The following GNA14 variants were observed in gnomAD, a reference collection of about 807,000 sequenced individuals.
GNA14 encodes G protein subunit alpha 14, also known as guanine nucleotide-binding protein subunit alpha-14.
In GNA14, 50 loss-of-function variants were observed where a neutral mutation model predicts 42.0. That is an observed-to-expected ratio of 1.19 (90% CI 0.95 to 1.51). The LOEUF is 1.51. GNA14 is among the 40% of genes most tolerant of loss of function. The pLI is 0.00. For missense variants in GNA14, 473 were observed against 446.2 expected, an observed-to-expected ratio of 1.06 and a Z score of -0.54; for synonymous variants, 173 against 163.1, an observed-to-expected ratio of 1.06 and a Z score of -0.46.
intron 2 of GNA14, among the ~76,000 whole-genome samples, chr9:77,485,098 C>T (rs902300578): frequency 6.6e-6 from 1 of 152,234 alleles, no homozygotes; most frequent in East Asian, 1.9e-4. Context: ...TAAAAGACTT[C>T]GTGTCATGTG....
intron 2 of GNA14, among the ~76,000 whole-genome samples, chr9:77,439,643 AAT>A (rs1835697632): frequency 1.3e-5 from 2 of 152,096 alleles, no homozygotes; most frequent in South Asian, 4.1e-4. Context: ...TTTCAAAAAT[AAT>A]AATAATGATG....
chr9:77,636,636 TG>T (rs1824188166), intron 1 of GNA14, among the ~76,000 whole-genome samples: 1 of 145,978 alleles, frequency 6.9e-6, no homozygotes, highest in Non-Finnish European at 1.5e-5. Flanking sequence ...AGAGATAATG[TG>T]GTAAGAGAGG....
At chr9:77,569,465 T>C (rs551983399) in intron 1 of GNA14, among the ~76,000 whole-genome samples, 2 of 152,292 alleles carry the variant, frequency 1.3e-5, no homozygotes, top group South Asian at 2.1e-4. Context: ...GGACCTACTA[T>C]GTGTTGGGAA....
chr9:77,481,007 A>T (rs1836543580), intron 2 of GNA14, among the ~76,000 whole-genome samples: 2 of 151,798 alleles, frequency 1.3e-5, no homozygotes, highest in Non-Finnish European at 2.9e-5. Context: ...CAGCTCCTGG[A>T]TTCATTAATT....
chr9:77,456,338 G>T (rs1427418857), intron 2 of GNA14: 1 of 152,182 alleles, frequency 6.6e-6, no homozygotes, highest in Non-Finnish European at 1.5e-5. Context: ...CAACTCTCCA[G>T]ACTAGAAAGA....
chr9:77,499,642 G>A (rs1054520461), intron 2 of GNA14, among the ~76,000 whole-genome samples: 8 of 152,088 alleles, frequency 5.3e-5, no homozygotes, highest in African/African-American at 1.9e-4. Flanking sequence ...GCTGAGGCCA[G>A]GAGTTCAAGA....
chr9:77,517,213 T>C (rs1044806735), intron 2 of GNA14, among the ~76,000 whole-genome samples: 4 of 152,202 alleles, frequency 2.6e-5, no homozygotes, highest in Non-Finnish European at 5.9e-5. Context: ...TTCCTGCCCA[T>C]AGATGCTTGT....
intron 1 of GNA14, among the ~76,000 whole-genome samples, chr9:77,552,126 C>CAAAAAAAAAAAAAA (rs34493872): frequency 2.2e-4 from 19 of 85,056 alleles, no homozygotes; most frequent in East Asian, 7.6e-4. Flanking sequence ...AACTCCATCT[C>CAAAAAAAAAAAAAA]AAAAAAAAAA....
At chr9:77,492,714 A>G (rs980765895) in intron 2 of GNA14, among the ~76,000 whole-genome samples, 7 of 151,972 alleles carry the variant, frequency 4.6e-5, no homozygotes, top group Non-Finnish European at 7.4e-5. Flanking sequence ...TACCAAAAAT[A>G]CTTGGGGCCA....
intron 2 of GNA14, among the ~76,000 whole-genome samples, chr9:77,476,594 G>T (rs1480941906): frequency 2.0e-5 from 3 of 152,188 alleles, no homozygotes; most frequent in African/African-American, 7.2e-5. Context: ...TACAACTGGT[G>T]ACTTCAACAC....
intron 1 of GNA14, among the ~76,000 whole-genome samples, chr9:77,544,922 G>A (rs929875412): frequency 6.6e-6 from 1 of 152,132 alleles, no homozygotes; most frequent in Non-Finnish European, 1.5e-5. Flanking sequence ...TTTAAAAAGA[G>A]TATGAGAAGT....
intron 3 of GNA14, 72 bp downstream of exon 3, chr9:77,434,296 A>C (rs1195425623): frequency 7.1e-7 from 1 of 1,414,988 alleles, no homozygotes; most frequent in Non-Finnish European, 9.8e-7. Context: ...GCGTTCAGCG[A>C]GAAACTTCTT....
chr9:77,492,027 T>C (rs979157679), intron 2 of GNA14, among the ~76,000 whole-genome samples: 60 of 152,176 alleles, frequency 3.9e-4, no homozygotes, highest in African/African-American at 1.4e-3. Flanking sequence ...CCACAAATAT[T>C]TGGATATTAA....
chr9:77,538,950 A>T (rs1837628821), intron 1 of GNA14, among the ~76,000 whole-genome samples: 1 of 152,196 alleles, frequency 6.6e-6, no homozygotes, highest in African/African-American at 2.4e-5. Context: ...TATATCACCC[A>T]CAAAGAGGTA....
intron 1 of GNA14, among the ~76,000 whole-genome samples, chr9:77,640,593 C>T (rs1045443235): frequency 3.3e-5 from 5 of 152,176 alleles, no homozygotes; most frequent in Admixed American, 6.5e-5. Flanking sequence ...TATCTGCCCA[C>T]AGCTTAAGAC....
At chr9:77,630,118 T>G (rs911309239) in intron 1 of GNA14, among the ~76,000 whole-genome samples, 4 of 151,686 alleles carry the variant, frequency 2.6e-5, no homozygotes, top group African/African-American at 7.3e-5. Flanking sequence ...TTTTGTTTTT[T>G]TTTTTTTTGA....
chr9:77,516,885 G>A (rs1038887580), intron 2 of GNA14, among the ~76,000 whole-genome samples: 6 of 152,186 alleles, frequency 3.9e-5, no homozygotes, highest in African/African-American at 1.4e-4. Context: ...ATGACAACCT[G>A]TCTCTTAAAG....
At chr9:77,522,391 G>T (rs929960481) in intron 2 of GNA14, among the ~76,000 whole-genome samples, 7 of 152,204 alleles carry the variant, frequency 4.6e-5, no homozygotes, top group Non-Finnish European at 1.0e-4. Context: ...AACAGCATTT[G>T]CTGTGTTTGT....
Position 77,428,891 on chromosome 9 carries a change from T to A in GNA14, c.723+16A>T. 1 of 1,611,870 alleles carries A rather than the reference T, an allele frequency of 6.2e-7. No homozygotes were observed. Among genetic ancestry groups the A allele is most frequent in the Non-Finnish European group, 8.5e-7 (1 of 1,178,936 alleles). ...CTCTGGCTTCCACAGCTACCCAAAC[T>A]TCCCGCCCAGCATACCTCGTTGTCA... On this transcript the variant is annotated intron_variant, in intron 5 of 6. Coordinates refer to ENST00000341700, the MANE Select transcript of GNA14 (RefSeq NM_004297.4).
Sources: allele counts gnomAD v4.1 joint callset (sites outside exome capture counted in the v4.1 genomes callset), GRCh38; gene constraint gnomAD v4.1.1; transcripts MANE v1.5; gene names NCBI Gene and HGNC (gene_info 2026-07-23, HGNC 2026-07-21).